Variants in TNFSF4 observed in about 807,000 individuals in gnomAD.
TNFSF4 encodes the protein tumor necrosis factor ligand superfamily member 4.
A neutral mutation model predicts 7.3 loss-of-function variants in TNFSF4; 4 were observed. The observed-to-expected ratio is 0.55, with a 90% CI of 0.27 to 1.25. The LOEUF is 1.25. Among genes scored for constraint, TNFSF4 ranks in the 50% most tolerant of loss-of-function variants. TNFSF4 has a pLI of 0.12. For missense variants in TNFSF4, 181 were observed against 208.8 expected, an observed-to-expected ratio of 0.87 and a Z score of 0.82; for synonymous variants, 76 against 83.7, an observed-to-expected ratio of 0.91 and a Z score of 0.50.
chr1:173,194,719 C>T (rs977047217), intron 1 of TNFSF4, among the ~76,000 whole-genome samples: 1 of 150,956 alleles, frequency 6.6e-6, no homozygotes, highest in Non-Finnish European at 1.5e-5. Flanking sequence ...CCTATTTCTA[C>T]AAAAAAATAA....
At chr1:173,376,521 C>A in the TNFSF4 span, among the ~76,000 whole-genome samples, 2 of 152,142 alleles carry the variant, frequency 1.3e-5, no homozygotes, top group African/African-American at 4.8e-5. Context: ...ACTCAGAGAA[C>A]TTCTCTGTCT....
At chr1:173,449,288 A>G in the TNFSF4 span, among the ~76,000 whole-genome samples, 2 of 151,938 alleles carry the variant, frequency 1.3e-5, no homozygotes, top group African/African-American at 2.4e-5. Flanking sequence ...CCATAAGTCA[A>G]TTAAACCTCT....
At chr1:173,353,216 GC>G in the TNFSF4 span, among the ~76,000 whole-genome samples, 1 of 152,174 alleles carries the variant, frequency 6.6e-6, no homozygotes, top group African/African-American at 2.4e-5. Context: ...GTAAAGACAG[GC>G]ATAGGAAATT....
the TNFSF4 span, among the ~76,000 whole-genome samples, chr1:173,305,323 A>G: frequency 6.6e-6 from 1 of 151,968 alleles, no homozygotes; most frequent in Non-Finnish European, 1.5e-5. Flanking sequence ...TCCTACCAAG[A>G]AAATCTAGCA....
chr1:173,183,559 A>G (rs953233965), downstream of TNFSF4, among the ~76,000 whole-genome samples: 4 of 152,188 alleles, frequency 2.6e-5, no homozygotes, highest in Admixed American at 1.3e-4. Context: ...ATCTTTTCAA[A>G]AGCAAAGATG....
the TNFSF4 span, among the ~76,000 whole-genome samples, chr1:173,379,082 T>A: frequency 6.6e-6 from 1 of 152,138 alleles, no homozygotes; most frequent in East Asian, 1.9e-4. Context: ...TGGAGAGATG[T>A]CATGCTATTG....
the TNFSF4 span, among the ~76,000 whole-genome samples, chr1:173,309,536 T>C: frequency 6.6e-6 from 1 of 152,060 alleles, no homozygotes; most frequent in South Asian, 2.1e-4. Context: ...AAAATAAACA[T>C]AACTTGATGG....
chr1:173,211,517 C>A (rs1650371811), upstream of TNFSF4, among the ~76,000 whole-genome samples: 2 of 152,312 alleles, frequency 1.3e-5, no homozygotes, highest in Non-Finnish European at 2.9e-5. Flanking sequence ...GCAGTCAGCT[C>A]TCCAAGCCCT....
At chr1:173,229,731 G>A in the TNFSF4 span, among the ~76,000 whole-genome samples, 1 of 151,060 alleles carries the variant, frequency 6.6e-6, no homozygotes, top group Middle Eastern at 3.2e-3. Flanking sequence ...TAAAGGGATG[G>A]AGGAAGATCT....
chr1:173,261,187 C>G, the TNFSF4 span, among the ~76,000 whole-genome samples: 1 of 151,756 alleles, frequency 6.6e-6, no homozygotes, highest in Non-Finnish European at 1.5e-5. Context: ...TAAGAAACCA[C>G]ACAACTACAC....
chr1:173,417,237 G>A, the TNFSF4 span, among the ~76,000 whole-genome samples: 3 of 152,184 alleles, frequency 2.0e-5, no homozygotes, highest in East Asian at 3.9e-4. Context: ...TCAGCTTTGC[G>A]GGTGCAGCAA....
At chr1:173,193,809 C>T (rs570222978) in intron 1 of TNFSF4, among the ~76,000 whole-genome samples, 8 of 149,486 alleles carry the variant, frequency 5.4e-5, no homozygotes, top group Non-Finnish European at 8.9e-5. Context: ...ACCCACTTGG[C>T]AAATATGGGC....
chr1:173,315,996 G>GT, the TNFSF4 span, among the ~76,000 whole-genome samples: 1 of 151,950 alleles, frequency 6.6e-6, no homozygotes, highest in Admixed American at 6.6e-5. Context: ...CTTTTCTCTT[G>GT]TTTTTTCCAG....
chr1:173,402,052 A>G, the TNFSF4 span, among the ~76,000 whole-genome samples: 4 of 152,186 alleles, frequency 2.6e-5, no homozygotes, highest in African/African-American at 9.7e-5. Context: ...CTTCTTTACA[A>G]TGATATTTTT....
the TNFSF4 span, among the ~76,000 whole-genome samples, chr1:173,282,014 G>A: frequency 6.6e-6 from 1 of 152,138 alleles, no homozygotes; most frequent in Admixed American, 6.5e-5. Flanking sequence ...TCTCATGGAG[G>A]TAGAGTAGAA....
chr1:173,362,403 G>T, the TNFSF4 span: 1 of 441,540 alleles, frequency 2.3e-6, no homozygotes, highest in South Asian at 1.9e-5. Flanking sequence ...CAGAAGAATG[G>T]CTGTTGCTCT....
At chr1:173,326,225 T>C in the TNFSF4 span, among the ~76,000 whole-genome samples, 21,435 of 152,136 alleles carry the variant, frequency 0.14, 2,316 homozygotes, top group African/African-American at 0.3. Flanking sequence ...TGAAAATCAA[T>C]AAACATAATC....
chr1:173,390,255 T>G, the TNFSF4 span, among the ~76,000 whole-genome samples: 3 of 152,312 alleles, frequency 2.0e-5, no homozygotes, highest in Non-Finnish European at 2.9e-5. Flanking sequence ...AGTAGTCATT[T>G]TCTAGTTCTC....
At chr1:173,227,878 G>A in the TNFSF4 span, among the ~76,000 whole-genome samples, 7 of 152,200 alleles carry the variant, frequency 4.6e-5, no homozygotes, top group East Asian at 1.9e-4. Flanking sequence ...AGGTGGCAGC[G>A]AGGCTGGGGG....
Sources: allele counts gnomAD v4.1 joint callset (sites outside exome capture counted in the v4.1 genomes callset), GRCh38; gene constraint gnomAD v4.1.1; transcripts MANE v1.5; gene names NCBI Gene and HGNC (gene_info 2026-07-23, HGNC 2026-07-21).